The following PCDH15 variants were observed in gnomAD, a reference collection of about 807,000 sequenced individuals.
The protein encoded by PCDH15 is protocadherin-15.
Under a neutral mutation model 178.5 loss-of-function variants are expected in PCDH15, and 129 were observed. That is an observed-to-expected ratio of 0.72 (90% CI 0.63 to 0.84). The LOEUF is 0.84. Among genes scored for constraint, PCDH15 ranks in the 40% least tolerant of loss-of-function variants. The pLI is 0.00. For missense variants in PCDH15, 2,230 were observed against 2,099.9 expected, an observed-to-expected ratio of 1.06 and a Z score of -1.21; for synonymous variants, 800 against 732.0, an observed-to-expected ratio of 1.09 and a Z score of -1.50.
intron 23 of PCDH15, among the ~76,000 whole-genome samples, chr10:53,958,869 C>T (rs900432824): frequency 6.8e-6 from 1 of 147,486 alleles, no homozygotes; most frequent in Non-Finnish European, 1.5e-5. Context: ...GTCCCAGCTA[C>T]TCGGGAGGCT....
chr10:54,129,450 AG>A (rs1265849664), intron 15 of PCDH15, among the ~76,000 whole-genome samples: 17 of 152,198 alleles, frequency 1.1e-4, no homozygotes, highest in African/African-American at 3.9e-4. Flanking sequence ...ACTATTCTGA[AG>A]GGAAGTAGAA....
chr10:55,035,326 A>C (rs1840708971), intron 2 of PCDH15, among the ~76,000 whole-genome samples: 1 of 152,130 alleles, frequency 6.6e-6, no homozygotes, highest in South Asian at 2.1e-4. Flanking sequence ...ACCCTGTCCC[A>C]AATAAAAACT....
intron 1 of PCDH15, among the ~76,000 whole-genome samples, chr10:54,779,447 T>C (rs577470846): frequency 2.0e-4 from 26 of 131,964 alleles, no homozygotes; most frequent in East Asian, 4.6e-4. Context: ...TATATATATA[T>C]ACACTCATAT....
Position 54,009,531 on chromosome 10 carries a change from G to A in PCDH15, c.2751+10661C>T, listed in dbSNP as rs546809576. Among the ~76,000 whole-genome samples the A allele has an allele frequency of 4.6e-5, 7 of 152,314 alleles. No homozygotes were observed. The East Asian group carries it at 1.4e-3, about 29-fold the overall frequency. ...AGGTGGGGGCCAAGAGAACTAACTA[G>A]AGGGAGCTGGTGTGTGTCAATCTCA... On this transcript the variant is annotated intron_variant, in intron 20 of 37. Transcript: ENST00000644397.
intron 2 of PCDH15, among the ~76,000 whole-genome samples, chr10:54,605,309 T>A (rs76812710): frequency 6.6e-6 from 1 of 152,184 alleles, no homozygotes; most frequent in African/African-American, 2.4e-5. Context: ...CCCTTTAGCA[T>A]TTTTTATATG....
intron 18 of PCDH15, among the ~76,000 whole-genome samples, chr10:54,036,336 G>T (rs1013881819): frequency 2.6e-5 from 4 of 151,892 alleles, no homozygotes; most frequent in African/African-American, 9.7e-5. Context: ...TAGATTCAAG[G>T]TTTCAAAGGA....
intron 2 of PCDH15, among the ~76,000 whole-genome samples, chr10:54,601,200 A>C (rs1002188293): frequency 8.6e-5 from 13 of 152,038 alleles, no homozygotes; most frequent in African/African-American, 2.9e-4. Flanking sequence ...TAAATGAAAG[A>C]GCTTCTGCAC....
chr10:54,074,347 T>G (rs1458177260), intron 17 of PCDH15, among the ~76,000 whole-genome samples: 2 of 152,160 alleles, frequency 1.3e-5, no homozygotes, highest in Non-Finnish European at 2.9e-5. Flanking sequence ...AACTCCCCAT[T>G]TCTCTTTTCT....
intron 2 of PCDH15, among the ~76,000 whole-genome samples, chr10:55,021,966 G>C (rs771995081): frequency 1.1e-3 from 160 of 152,192 alleles, no homozygotes; most frequent in Non-Finnish European, 7.4e-4. Flanking sequence ...TCAGTCGCAT[G>C]GTGGAATCTA....
At position 55,440,973 on chromosome 10, in the gene PCDH15, C is replaced by T. The variant is rs540671645; in HGVS notation, c.-156+186652G>A. Reference sequence around the variant, plus strand: ...ATGAGAACAGTATAGGGCAACTGCCCCCCATGATTCAATTATTTCCCACTG... The same window carrying T: ...ATGAGAACAGTATAGGGCAACTGCCTCCCATGATTCAATTATTTCCCACTG... On this transcript the variant is annotated intron_variant, in intron 2 of 5. Transcript: ENST00000613346. 2.7e-4 allele frequency among the ~76,000 whole-genome samples: 41 copies of T among 152,232 alleles called. 1 individual carries two copies. Among genetic ancestry groups the T allele is most frequent in the African/African-American group, 9.6e-4 (40 of 41,552 alleles).
At position 55,444,738 on chromosome 10, in the gene PCDH15, C is replaced by T. The variant is rs536532936; in HGVS notation, c.-156+182887G>A. Among the ~76,000 whole-genome samples the T allele has an allele frequency of 1.4e-4, 21 of 152,210 alleles. No individual in the cohort carries two copies. The East Asian group carries it at 3.5e-3, about 25-fold the overall frequency. ...AAGTGAAAGTATTGTCAAGTATTCT[C>T]ATATAATTTCCATTTCCCATTTGAA... On this transcript the variant is annotated intron_variant, in intron 2 of 5. Coordinates refer to the PCDH15 transcript ENST00000613346.
intron 10 of PCDH15, among the ~76,000 whole-genome samples, chr10:54,197,630 G>T (rs1379638614): frequency 1.3e-5 from 2 of 152,102 alleles, no homozygotes; most frequent in African/African-American, 4.8e-5. Flanking sequence ...ATCTCTAACT[G>T]TTAAAACGTG....
chr10:55,372,853 A>C (rs1845539746), intron 2 of PCDH15, among the ~76,000 whole-genome samples: 1 of 152,212 alleles, frequency 6.6e-6, no homozygotes, highest in South Asian at 2.1e-4. Context: ...GAACATAATG[A>C]GTAAACATAT....
At chr10:54,637,026 T>A (rs2093870961) in intron 2 of PCDH15, among the ~76,000 whole-genome samples, 1 of 151,760 alleles carries the variant, frequency 6.6e-6, no homozygotes, top group African/African-American at 2.4e-5. Flanking sequence ...ATAGCGTACC[T>A]TCTTTCCTTT....
intron 2 of PCDH15, among the ~76,000 whole-genome samples, chr10:55,159,835 T>G (rs1839014323): frequency 6.7e-6 from 1 of 149,756 alleles, no homozygotes; most frequent in African/African-American, 2.4e-5. Context: ...ACATCTTTGT[T>G]TATCCTTTTG....
chr10:53,806,978 A>ATTCT lies in PCDH15; in HGVS notation c.4820_4823dup (p.Asn1608LysfsTer30). The ATTCT allele has an allele frequency of 6.2e-7, 1 of 1,613,842 alleles. No individual in the cohort carries two copies. Among genetic ancestry groups the ATTCT allele is most frequent in the Non-Finnish European group, 8.5e-7 (1 of 1,179,832 alleles). ...CACGGCGGGTTCTCACCACAGAACC[A>ATTCT]TTCTGTGCAATATATATATTGCCGT... is the stretch of plus-strand genomic sequence containing the variant. On this transcript the variant is annotated frameshift_variant, in exon 38 of 38. Coordinates refer to ENST00000644397, the MANE Select transcript of PCDH15 (RefSeq NM_001384140.1). LOFTEE classifies it high-confidence loss of function.
At chr10:54,982,171 T>C (rs977607060) in intron 2 of PCDH15, among the ~76,000 whole-genome samples, 8 of 152,122 alleles carry the variant, frequency 5.3e-5, no homozygotes. Context: ...AGGGTATCTT[T>C]CAATAAAGAG....
chr10:54,120,041 G>T (rs994596797), intron 15 of PCDH15, among the ~76,000 whole-genome samples: 25 of 152,178 alleles, frequency 1.6e-4, no homozygotes, highest in Admixed American at 1.4e-3. Context: ...ACCTACAAAG[G>T]TAACCCCATC....
chr10:54,889,507 A>ATATATATATATATATG (rs1299007925), intron 3 of PCDH15, among the ~76,000 whole-genome samples: 1 of 148,476 alleles, frequency 6.7e-6, no homozygotes, highest in African/African-American at 2.5e-5. Flanking sequence ...GAAGATATAT[A>ATATATATATATATATG]TATATATATA....
Sources: allele counts gnomAD v4.1 joint callset (sites outside exome capture counted in the v4.1 genomes callset), GRCh38; gene constraint gnomAD v4.1.1; transcripts MANE v1.5; gene names NCBI Gene and HGNC (gene_info 2026-07-23, HGNC 2026-07-21).